ACSF3: variants seen among roughly 807,000 people sequenced by gnomAD.
The protein encoded by ACSF3 is acyl-CoA synthetase family member 3.
Under a neutral mutation model 53.2 loss-of-function variants are expected in ACSF3, and 78 were observed. The observed-to-expected ratio is 1.47, with a 90% CI of 1.22 to 1.77. The LOEUF (loss-of-function observed/expected upper bound fraction) is 1.77, where lower values mean the gene tolerates loss of function less well. Ranked by LOEUF, ACSF3 falls within the 40% of genes most tolerant of loss-of-function variation. ACSF3 has a pLI of 0.00. For synonymous variants in ACSF3, 414 were observed against 333.1 expected (o/e 1.24, Z -2.65); for missense variants, 937 against 771.1 (o/e 1.22, Z -2.55).
rs1411372849 is a variant in ACSF3 at position 89,101,085 on chromosome 16, A to T, written c.404A>T (p.Glu135Val). The T allele has an allele frequency of 6.2e-7, 1 of 1,614,016 alleles. No homozygotes were observed. Among genetic ancestry groups the T allele is most frequent in the Non-Finnish European group, 8.5e-7 (1 of 1,180,002 alleles). Reference protein sequence around the residue: ...LYRKHPAAQLEYVICDSQSSV... With the variant: ...LYRKHPAAQLVYVICDSQSSV... ...AGGAAGCATCCCGCGGCCCAGCTGG[A>T]GTATGTCATCTGCGACTCCCAGAGC... The change falls in exon 3 of 11, where the codon GAG becomes GTG. Residue 135 changes from glutamate to valine, a missense_variant. Coordinates refer to ENST00000614302, the MANE Select transcript of ACSF3 (RefSeq NM_001243279.3).
At chr16:89,123,473 C>T (rs553731180) in intron 7 of ACSF3, among the ~76,000 whole-genome samples, 4 of 152,322 alleles carry the variant, frequency 2.6e-5, no homozygotes, top group East Asian at 1.9e-4. Flanking sequence ...ACCACGGTCC[C>T]GGATCCACGT....
chr16:89,103,567 G>A (rs914367546), intron 4 of ACSF3, among the ~76,000 whole-genome samples: 19 of 152,234 alleles, frequency 1.2e-4, no homozygotes, highest in African/African-American at 4.6e-4. Context: ...GAGGTCCTTC[G>A]CTTCATCCAC....
At position 89,094,438 on chromosome 16, in the gene ACSF3, C is replaced by A. The variant is rs538324681; in HGVS notation, c.-194+442C>A. On this transcript the variant is annotated intron_variant, in intron 1 of 10. Transcript: ENST00000614302. ...GGCACAGGTTCACAGCCGGCCTAGC[C>A]CCTGAGGGCATGTAGATCTATGAGC... Among the ~76,000 whole-genome samples the A allele has an allele frequency of 7.6e-4, 115 of 152,316 alleles. 1 individual carries two copies. The highest frequency in any genetic ancestry group is 1.2e-3 in the Non-Finnish European group (84 of 68,014).
At chr16:89,119,036 G>A (rs1426895777) in intron 6 of ACSF3, among the ~76,000 whole-genome samples, 1 of 151,716 alleles carries the variant, frequency 6.6e-6, no homozygotes, top group Non-Finnish European at 1.5e-5. Flanking sequence ...CCTGGAGTGT[G>A]GGGGCCCCTG....
In ACSF3 at chr16:89,155,011, C is replaced by T. The variant is rs1301521200; in HGVS notation, c.*804C>T. On this transcript the variant is annotated 3_prime_UTR_variant, in exon 11 of 11. Transcript: ENST00000614302. ...CTGCCCCATGGCCCCCATTTCATGT[C>T]TGTGGCTCACCAGCTTTTCCCCAGA... 2.2e-6 allele frequency: 1 copy of T among 454,010 alleles called. No individual in the cohort carries two copies. The highest frequency in any genetic ancestry group is 2.0e-5 in the African/African-American group (1 of 49,992). The allele number at this position is 454,010 out of a possible 1,614,324, so 28.1% of individuals were successfully genotyped here. A position where few individuals can be genotyped will look rare whatever the true frequency, so the allele number is the denominator to read the frequency against.
At chr16:89,111,596 G>A (rs1017691848) in intron 4 of ACSF3, among the ~76,000 whole-genome samples, 4 of 152,254 alleles carry the variant, frequency 2.6e-5, no homozygotes, top group East Asian at 1.9e-4. Flanking sequence ...ACCCGCTAAC[G>A]AGTGAGGAAC....
chr16:89,143,182 G>A (rs982648553), intron 8 of ACSF3, among the ~76,000 whole-genome samples: 1 of 152,204 alleles, frequency 6.6e-6, no homozygotes. Flanking sequence ...TGTAACGGTG[G>A]TACATCCTCA....
chr16:89,155,957 G>A lies in ACSF3; in HGVS notation c.*1750G>A. The stretch of plus-strand genomic sequence containing the variant: ...GACCAGAAACTGCAGAGAGCCTGGA[G>A]CTCGTTGACCACAAACTACAGAAAG... On this transcript the variant is annotated 3_prime_UTR_variant, in exon 11 of 11. Coordinates refer to ENST00000614302, the MANE Select transcript of ACSF3 (RefSeq NM_001243279.3). 5.5e-6 allele frequency: 2 copies of A among 362,620 alleles called. No homozygotes were observed. The highest frequency in any genetic ancestry group is 1.1e-5 in the Non-Finnish European group (2 of 186,508). The allele number at this position is 362,620 out of a possible 1,614,324, so 22.5% of individuals were successfully genotyped here.
At chr16:89,143,835 T>A (rs1912363967) in intron 8 of ACSF3, among the ~76,000 whole-genome samples, 1 of 152,120 alleles carries the variant, frequency 6.6e-6, no homozygotes, top group Admixed American at 6.5e-5. Context: ...ATCCGTCTTG[T>A]TTAATAGACT....
Position 89,146,002 on chromosome 16 carries a change from C to T in ACSF3, c.1566C>T (p.Leu522=). ...WGQRVTAVVT[L]REGHSLSHRE... is the part of the protein sequence containing the mutation. ...AGCGGGTCACTGCTGTGGTGACCCT[C>T]CGAGAAGGACACTCACTGTCCCACA... is the stretch of plus-strand genomic sequence containing the variant. The change falls in exon 10 of 11, where the codon CTC becomes CTT. Residue 522 remains leucine (L), a synonymous_variant. Coordinates refer to ENST00000614302, the MANE Select transcript of ACSF3 (RefSeq NM_001243279.3). The T allele has an allele frequency of 1.2e-6, 2 of 1,613,922 alleles. No individual in the cohort carries two copies. Among genetic ancestry groups the T allele is most frequent in the South Asian group, 2.2e-5 (2 of 91,050 alleles).
chr16:89,115,947 A>T (rs933163175), intron 6 of ACSF3, among the ~76,000 whole-genome samples: 1 of 152,206 alleles, frequency 6.6e-6, no homozygotes, highest in African/African-American at 2.4e-5. Flanking sequence ...TTGTCTTCCC[A>T]TTCACCTAAC....
chr16:89,118,501 C>T (rs974871690), intron 6 of ACSF3, among the ~76,000 whole-genome samples: 11 of 152,238 alleles, frequency 7.2e-5, no homozygotes, highest in African/African-American at 2.7e-4. Flanking sequence ...TGGGTCGGCT[C>T]CAGCCACAGG....
intron 8 of ACSF3, among the ~76,000 whole-genome samples, chr16:89,140,778 A>G (rs1179293128): frequency 1.3e-5 from 2 of 151,856 alleles, no homozygotes; most frequent in African/African-American, 4.8e-5. Context: ...CTCCACCTAC[A>G]CTCTAGAGAA....
chr16:89,137,076 G>A (rs538240313), intron 8 of ACSF3, among the ~76,000 whole-genome samples: 21 of 152,258 alleles, frequency 1.4e-4, no homozygotes, highest in East Asian at 1.2e-3. Context: ...GGGCAGATGC[G>A]GGAGCAGCAG....
chr16:89,135,097 T>C (rs1490384750), intron 8 of ACSF3, among the ~76,000 whole-genome samples: 3 of 147,804 alleles, frequency 2.0e-5, no homozygotes, highest in Non-Finnish European at 4.5e-5. Flanking sequence ...TTTTGGCCTG[T>C]CTATATTTTA....
At chr16:89,106,908 G>A (rs546480515) in intron 4 of ACSF3, among the ~76,000 whole-genome samples, 1 of 152,204 alleles carries the variant, frequency 6.6e-6, no homozygotes. Context: ...GGAGGATGCC[G>A]GAAGATGGAT....
At chr16:89,123,981 T>C (rs1267159735) in intron 7 of ACSF3, among the ~76,000 whole-genome samples, 2 of 151,328 alleles carry the variant, frequency 1.3e-5, no homozygotes, top group Non-Finnish European at 2.9e-5. Flanking sequence ...GTAGTACGCA[T>C]GGGTATCACA....
chr16:89,106,446 C>T (rs1269788729), intron 4 of ACSF3, among the ~76,000 whole-genome samples: 1 of 152,150 alleles, frequency 6.6e-6, no homozygotes, highest in Non-Finnish European at 1.5e-5. Flanking sequence ...GCACCTGCCA[C>T]CACAGCCAGC....
At position 89,120,805 on chromosome 16, in the gene ACSF3, C is replaced by T. The variant is rs138395741; in HGVS notation, c.1131C>T (p.Ser377=). ...AGTGTTTCTCCTCTCCTGTAGGTTC[C>T]GTGGGGACCCCACTGCCTGGAGTAC... ...PLTTAVRLPG[S]VGTPLPGVQV... is the part of the protein sequence containing the mutation. Residue 377 remains serine, a synonymous_variant, in exon 7 of 11, where the codon TCC becomes TCT. Coordinates refer to ENST00000614302, the MANE Select transcript of ACSF3 (RefSeq NM_001243279.3). The T allele has an allele frequency of 6.9e-4, 1,114 of 1,613,956 alleles. 4 individuals are homozygous for T. The African/African-American group carries it at 0.011, about 16-fold the overall frequency.
Sources: gnomAD v4.1 joint callset for allele counts (sites outside exome capture counted in the v4.1 genomes callset) on GRCh38, gnomAD v4.1.1 for gene constraint, MANE v1.5 for transcripts, NCBI Gene and HGNC (gene_info 2026-07-23, HGNC 2026-07-21) for gene names.